The following SIRPA variants were observed in gnomAD, a reference collection of about 807,000 sequenced individuals.
SIRPA encodes the protein tyrosine-protein phosphatase non-receptor type substrate 1.
A neutral mutation model predicts 50.3 loss-of-function variants in SIRPA; 9 were observed. The observed-to-expected ratio is 0.18, with a 90% CI of 0.11 to 0.31. SIRPA has a LOEUF of 0.31. Among genes scored for constraint, SIRPA ranks in the 10% least tolerant of loss-of-function variants. The probability of loss-of-function intolerance (pLI) is 1.00; values close to 1 mark genes in which losing one functional copy is unlikely to be tolerated. For missense variants in SIRPA, 474 were observed against 661.6 expected, an observed-to-expected ratio of 0.72 and a Z score of 3.11; for synonymous variants, 265 against 284.1, an observed-to-expected ratio of 0.93 and a Z score of 0.68.
In SIRPA at chr20:1,932,507, C is replaced by T. The variant is rs559764000; in HGVS notation, c.1227-2208C>T. Among the ~76,000 whole-genome samples the T allele has an allele frequency of 1.5e-4, 23 of 152,306 alleles. No individual in the cohort carries two copies. The South Asian group carries it at 4.8e-3, about 32-fold the overall frequency. ...CAGAGGAGCTGGAGCAGAGCAGAGG[C>T]AGGAGAGGGATGGAGCCTAGAGCAG... On this transcript the variant is annotated intron_variant, in intron 6 of 7. Transcript: ENST00000358771. The surrounding 1 kb of genome is among the most constrained non-coding windows in gnomAD (Gnocchi z 6.0).
rs745645458 is a variant in SIRPA at position 1,934,744 on chromosome 20, A to G, written c.1256A>G (p.Glu419Gly). Residue 419 changes from glutamate (E) to glycine (G), a missense_variant, in exon 7 of 8, where the codon GAA becomes GGA. Physicochemically the swap from Glu to Gly is moderately conservative, Grantham distance 98. Coordinates refer to ENST00000358771, the MANE Select transcript of SIRPA (RefSeq NM_001040023.2). The surrounding 1 kb of genome is among the most constrained non-coding windows in gnomAD (Gnocchi z 4.6). ...RLHEPEKNAR[E>G]ITQDTNDITY... is the part of the protein sequence containing the mutation. ...CATGAGCCCGAGAAGAATGCCAGAG[A>G]AATAACACAGGTACAGTCCTTGGTG... is the stretch of plus-strand genomic sequence containing the variant. The G allele has an allele frequency of 5.6e-6, 9 of 1,613,978 alleles. No individual in the cohort carries two copies. In the East Asian group the frequency reaches 1.8e-4, roughly 32 times the overall value.
At chr20:1,926,910 C>A (rs1308123212) in intron 5 of SIRPA, among the ~76,000 whole-genome samples, 1 of 152,210 alleles carries the variant, frequency 6.6e-6, no homozygotes, top group African/African-American at 2.4e-5. Flanking sequence ...TCAACTCAAC[C>A]ACTACCCAGC....
intron 2 of SIRPA, among the ~76,000 whole-genome samples, chr20:1,917,476 A>G (rs114491235): frequency 0.015 from 2,294 of 152,272 alleles, 51 homozygotes; most frequent in African/African-American, 0.052. Context: ...GGAGACGGAG[A>G]TTACAGTGAG....
Position 1,898,066 on chromosome 20 carries a change from C to G in SIRPA, c.79+2540C>G, listed in dbSNP as rs1216171302. Among the ~76,000 whole-genome samples, 1 of 152,202 alleles carries G rather than the reference C, an allele frequency of 6.6e-6. No individual in the cohort carries two copies. The highest frequency in any genetic ancestry group is 2.4e-5 in the African/African-American group (1 of 41,444). The stretch of plus-strand genomic sequence containing the variant: ...TGAGACCTCTGAGTCACCCCCCAGG[C>G]CGACCTCAGATAAACTCCCATTCAT... On this transcript the variant is annotated intron_variant, in intron 1 of 7. Transcript: ENST00000358771. The surrounding 1 kb of genome is among the most constrained non-coding windows in gnomAD (Gnocchi z 4.3).
rs972015258 is a variant in SIRPA at position 1,940,227 on chromosome 20, G to C, written c.*2659G>C. ...GCACAATGGGGCAGGAATAGTCCCT[G>C]CCAGGGTGACTGTGTGGATTCAAGG... is the stretch of plus-strand genomic sequence containing the variant. On this transcript the variant is annotated 3_prime_UTR_variant, in exon 8 of 8. Transcript: ENST00000358771. The C allele has an allele frequency of 6.6e-6, 1 of 152,274 alleles. No homozygotes were observed. Among genetic ancestry groups the C allele is most frequent in the African/African-American group, 2.4e-5 (1 of 41,460 alleles). 9.4% of individuals were successfully genotyped at this position (152,274 alleles called of 1,614,324 possible). A position where few individuals can be genotyped will look rare whatever the true frequency, so the allele number is the denominator to read the frequency against.
chr20:1,922,740 A>G, intron 4 of SIRPA, 95 bp downstream of exon 4: 1 of 1,348,402 alleles, frequency 7.4e-7, no homozygotes, highest in Non-Finnish European at 1.0e-6. Context: ...TTATTATAGA[A>G]CAATCTAGAA....
At chr20:1,908,565 G>T (rs551301421) in intron 1 of SIRPA, among the ~76,000 whole-genome samples, 1 of 152,224 alleles carries the variant, frequency 6.6e-6, no homozygotes, top group East Asian at 1.9e-4. Context: ...CGGCACACAG[G>T]CACCGTCTCT....
At chr20:1,923,955 G>A (rs1300360620) in intron 4 of SIRPA, among the ~76,000 whole-genome samples, 1 of 151,458 alleles carries the variant, frequency 6.6e-6, no homozygotes, top group East Asian at 1.9e-4. Context: ...GAGTGAAAGA[G>A]GATAAAAGAG....
intron 2 of SIRPA, among the ~76,000 whole-genome samples, chr20:1,915,904 C>G (rs1156941572): frequency 6.6e-6 from 1 of 152,212 alleles, no homozygotes; most frequent in Admixed American, 6.5e-5. Context: ...CTCATCCCTT[C>G]CAATAAGAGA....
intron 1 of SIRPA, among the ~76,000 whole-genome samples, chr20:1,905,426 A>G (rs976855021): frequency 1.3e-5 from 2 of 152,174 alleles, no homozygotes; most frequent in Non-Finnish European, 2.9e-5. Flanking sequence ...GACAGTGACA[A>G]TAGCACCTGC....
rs761582280 is a variant in SIRPA, at chr20:1,934,698, GT to G, written c.1227-16del. ...ATAGTGAGGGTATTTTTATCTGTGT[GT>G]CTCTTTCCTTTTTAGGTTGCATGAG... is the stretch of plus-strand genomic sequence containing the variant. On this transcript the variant is annotated splice_polypyrimidine_tract_variant and intron_variant, in intron 6 of 7. Coordinates refer to ENST00000358771, the MANE Select transcript of SIRPA (RefSeq NM_001040023.2). The surrounding 1 kb of genome is among the most constrained non-coding windows in gnomAD (Gnocchi z 4.6). 184 of 1,613,758 alleles carry G rather than the reference GT, an allele frequency of 1.1e-4. No homozygotes were observed. The highest frequency in any genetic ancestry group is 1.5e-4 in the Non-Finnish European group (175 of 1,179,810).
At position 1,898,377 on chromosome 20, in the gene SIRPA, A is replaced by G. The variant is rs1983954412; in HGVS notation, c.79+2851A>G. 1.3e-5 allele frequency among the ~76,000 whole-genome samples: 2 copies of G among 152,242 alleles called. No individual in the cohort carries two copies. Among genetic ancestry groups the G allele is most frequent in the South Asian group, 4.1e-4 (2 of 4,830 alleles). Reference sequence around the variant, plus strand: ...ACCAACCCCTCGGAAACTCACGGTAATTCACGTCTGTACTTGCAGTCATGC... The same window carrying G: ...ACCAACCCCTCGGAAACTCACGGTAGTTCACGTCTGTACTTGCAGTCATGC... On this transcript the variant is annotated intron_variant, in intron 1 of 7. Coordinates refer to ENST00000358771, the MANE Select transcript of SIRPA (RefSeq NM_001040023.2). This position sits in a 1 kb window ranked among gnomAD's most constrained non-coding sequence, Gnocchi z 4.3.
chr20:1,899,247 G>C (rs892048324), intron 1 of SIRPA, among the ~76,000 whole-genome samples: 1 of 151,528 alleles, frequency 6.6e-6, no homozygotes, highest in African/African-American at 2.4e-5. Flanking sequence ...CGTGAGGCCT[G>C]GGCTTCCTCC....
At chr20:1,912,237 A>ACGCCTGACTCCGCAGCCTCTCCTGCG (rs1984933621) in intron 1 of SIRPA, among the ~76,000 whole-genome samples, 1 of 152,176 alleles carries the variant, frequency 6.6e-6, no homozygotes, top group Admixed American at 6.5e-5. Flanking sequence ...AACATGCTGC[A>ACGCCTGACTCCGCAGCCTCTCCTGCG]CGCCTGACTC....
intron 1 of SIRPA, among the ~76,000 whole-genome samples, chr20:1,914,473 C>G (rs113875175): frequency 0.41 from 61,170 of 150,708 alleles, 12,706 homozygotes; most frequent in East Asian, 0.66. Flanking sequence ...CTAAGGGCAG[C>G]TCTTGCATTT....
intron 5 of SIRPA, among the ~76,000 whole-genome samples, chr20:1,926,975 G>A (rs1986016906): frequency 6.6e-6 from 1 of 152,252 alleles, no homozygotes; most frequent in Non-Finnish European, 1.5e-5. Flanking sequence ...GGTGACTGGT[G>A]TCCTATCACT....
At chr20:1,925,301 G>A (rs1013420005) in intron 5 of SIRPA, among the ~76,000 whole-genome samples, 6 of 152,214 alleles carry the variant, frequency 3.9e-5, no homozygotes, top group South Asian at 2.1e-4. Context: ...AGATAATAGC[G>A]CCACCATTTG....
intron 1 of SIRPA, among the ~76,000 whole-genome samples, chr20:1,913,503 C>A (rs1430928945): frequency 6.6e-6 from 1 of 152,194 alleles, no homozygotes; most frequent in Admixed American, 6.5e-5. Context: ...TCTGCCGCAG[C>A]CTTGTCTGAT....
In SIRPA at chr20:1,924,946, G is replaced by A. The variant is rs1985894470; in HGVS notation, c.1201+69G>A. 3 of 1,247,240 alleles carry A rather than the reference G, an allele frequency of 2.4e-6. No individual in the cohort carries two copies. The highest frequency in any genetic ancestry group is 1.5e-5 in the African/African-American group (1 of 67,792). The allele number at this position is 1,247,240 out of a possible 1,614,324, so 77.3% of individuals were successfully genotyped here. On this transcript the variant is annotated intron_variant, in intron 5 of 7. Transcript: ENST00000358771. This position sits in a 1 kb window ranked among gnomAD's most constrained non-coding sequence, Gnocchi z 4.5. ...CTGTCCTCGGAGGGAGACGCCATTA[G>A]GTGCTTTGGGTTAAGGACATCAGCT... is the stretch of plus-strand genomic sequence containing the variant.
Sources: gnomAD v4.1 joint callset for allele counts (sites outside exome capture counted in the v4.1 genomes callset) on GRCh38, gnomAD v4.1.1 for gene constraint, Gnocchi (gnomAD v3.1) non-coding constraint, MANE v1.5 for transcripts, NCBI Gene and HGNC (gene_info 2026-07-23, HGNC 2026-07-21) for gene names.